CLEC4A: variants seen among roughly 807,000 people sequenced by gnomAD.
The protein encoded by CLEC4A is C-type (calcium dependent, carbohydrate-recognition domain) lectin, superfamily member 6.
A neutral mutation model predicts 32.7 loss-of-function variants in CLEC4A; 27 were observed. The ratio of observed to expected loss-of-function variants is 0.83; its 90% CI spans 0.61 to 1.14. CLEC4A has a LOEUF of 1.14. Ranked by LOEUF, CLEC4A falls within the 50% of genes most tolerant of loss-of-function variation. CLEC4A has a pLI of 0.00. For missense variants in CLEC4A, 253 were observed against 274.6 expected, an observed-to-expected ratio of 0.92 and a Z score of 0.55; for synonymous variants, 89 against 93.7, an observed-to-expected ratio of 0.95 and a Z score of 0.29.
intron 3 of CLEC4A, chr12:8,134,271 T>G (rs1260443545): frequency 6.2e-7 from 1 of 1,612,598 alleles, no homozygotes; most frequent in East Asian, 2.2e-5. Context: ...CACATGTTCT[T>G]GAAGCTAAGC....
At chr12:8,117,594 G>A in the CLEC4A span, among the ~76,000 whole-genome samples, 6 of 152,116 alleles carry the variant, frequency 3.9e-5, no homozygotes, top group African/African-American at 1.4e-4. Context: ...AGGTGACAAT[G>A]TGTTTCAATT....
chr12:8,111,410 C>T, the CLEC4A span, among the ~76,000 whole-genome samples: 1 of 146,902 alleles, frequency 6.8e-6, no homozygotes, highest in Non-Finnish European at 1.5e-5. Flanking sequence ...GAACTCCTGA[C>T]CTCAGATGGT....
chr12:8,123,711 C>T lies in CLEC4A; in HGVS notation c.-168C>T, dbSNP rs1482955603. ...TTAGTTTTTATTGTGGTTCTTAGTTCTCATGAGACCCCTCTTGAGGATATG... is the reference window on the plus strand; with the variant it reads ...TTAGTTTTTATTGTGGTTCTTAGTTTTCATGAGACCCCTCTTGAGGATATG... On this transcript the variant is annotated 5_prime_UTR_variant, in exon 1 of 6. Transcript: ENST00000229332. 1.5e-5 allele frequency: 9 copies of T among 583,950 alleles called. No individual in the cohort carries two copies. Among genetic ancestry groups the T allele is most frequent in the East Asian group, 1.4e-4 (5 of 34,982 alleles). The allele number at this position is 583,950 out of a possible 1,614,324, so 36.2% of individuals were successfully genotyped here.
At chr12:8,121,998 C>T (rs1947835177), upstream of CLEC4A, among the ~76,000 whole-genome samples, 1 of 151,870 alleles carries the variant, frequency 6.6e-6, no homozygotes, top group Admixed American at 6.6e-5. Flanking sequence ...AGCATCCTTG[C>T]AGAGGGTAGA....
At chr12:8,135,045 A>ATTTTTTTTTTTTT (rs1565406500) in intron 3 of CLEC4A, among the ~76,000 whole-genome samples, 2 of 4,966 alleles carry the variant, frequency 4.0e-4, no homozygotes, top group Non-Finnish European at 4.8e-4. Flanking sequence ...CAATTTTATT[A>ATTTTTTTTTTTTT]TCTTTTTTTT....
chr12:8,120,095 A>G (rs1431173977), upstream of CLEC4A, among the ~76,000 whole-genome samples: 1 of 152,196 alleles, frequency 6.6e-6, no homozygotes, highest in African/African-American at 2.4e-5. Context: ...TAGAACTTTA[A>G]TGTGTGATAA....
At chr12:8,109,255 A>G in the CLEC4A span, among the ~76,000 whole-genome samples, 2 of 152,266 alleles carry the variant, frequency 1.3e-5, no homozygotes, top group East Asian at 3.9e-4. Context: ...ATGAAGTACC[A>G]AATGATCCCT....
At chr12:8,137,936 C>T (rs771812550) in intron 5 of CLEC4A, among the ~76,000 whole-genome samples, 3 of 152,080 alleles carry the variant, frequency 2.0e-5, no homozygotes, top group Non-Finnish European at 4.4e-5. Context: ...AGGTAGAGAA[C>T]ATTGAGTGAC....
At chr12:8,135,043 T>C (rs1207824052) in intron 3 of CLEC4A, among the ~76,000 whole-genome samples, 2 of 80,572 alleles carry the variant, frequency 2.5e-5, no homozygotes, top group Non-Finnish European at 4.9e-5. Context: ...AACAATTTTA[T>C]TATCTTTTTT....
chr12:8,119,921 T>C (rs114747421), upstream of CLEC4A, among the ~76,000 whole-genome samples: 928 of 152,306 alleles, frequency 6.1e-3, 5 homozygotes, highest in African/African-American at 0.021. Context: ...TATGATTTAT[T>C]AGAATGACTC....
chr12:8,135,592 C>A lies in CLEC4A; in HGVS notation c.306C>A (p.Ala102=). 1.2e-6 allele frequency: 2 copies of A among 1,614,042 alleles called. No individual in the cohort carries two copies. Among genetic ancestry groups the A allele is most frequent in the Non-Finnish European group, 1.7e-6 (2 of 1,179,882 alleles). The change falls in exon 4 of 6, where the codon GCC becomes GCA. Residue 102 remains alanine, a synonymous_variant. Coordinates refer to ENST00000229332, the MANE Select transcript of CLEC4A (RefSeq NM_016184.4). ...VKKNMPVEET[A]WSCCPKNWKS... is the part of the protein sequence containing the mutation. Reference sequence around the variant, plus strand: ...CCCCTCTTCCCAATACAGAGACAGCCTGGAGCTGTTGCCCAAAGAATTGGA... The same window carrying A: ...CCCCTCTTCCCAATACAGAGACAGCATGGAGCTGTTGCCCAAAGAATTGGA...
At chr12:8,109,253 C>T in the CLEC4A span, among the ~76,000 whole-genome samples, 2 of 152,020 alleles carry the variant, frequency 1.3e-5, no homozygotes, top group Admixed American at 6.6e-5. Context: ...AAATGAAGTA[C>T]CAAATGATCC....
rs1591611840 is a variant in CLEC4A at position 8,134,979 on chromosome 12, G to GTTTTTTTTTTTTTTTTTTTTTT, written c.299-600_299-599insTTTTTTTTTTTTTTTTTTTTTT. ...TGTATCTTCTTGTTGAAGCGTTTTT[G>GTTTTTTTTTTTTTTTTTTTTTT]TTTTTTGTTTTTTTTTAATCATGGC... On this transcript the variant is annotated intron_variant, in intron 3 of 5. Coordinates refer to ENST00000229332, the MANE Select transcript of CLEC4A (RefSeq NM_016184.4). 93 of 165,956 alleles carry GTTTTTTTTTTTTTTTTTTTTTT rather than the reference G, an allele frequency of 5.6e-4. 9 individuals carry two copies. Among genetic ancestry groups the GTTTTTTTTTTTTTTTTTTTTTT allele is most frequent in the Admixed American group, 2.5e-3 (10 of 3,952 alleles). The allele number at this position is 165,956 out of a possible 1,614,324, so 10.3% of individuals were successfully genotyped here.
the CLEC4A span, among the ~76,000 whole-genome samples, chr12:8,104,295 A>G: frequency 2.6e-5 from 4 of 152,212 alleles, no homozygotes; most frequent in Non-Finnish European, 4.4e-5. Flanking sequence ...ACCTCAGAAT[A>G]AATTAAATTC....
chr12:8,125,422 C>T, intron 1 of CLEC4A, 139 bp from the exon 2 acceptor site: 1 of 575,880 alleles, frequency 1.7e-6, no homozygotes, highest in East Asian at 2.9e-5. Flanking sequence ...CCTTTCTATT[C>T]CTATTCTCAT....
At chr12:8,134,808 G>C (rs950515259) in intron 3 of CLEC4A, 18 of 1,551,630 alleles carry the variant, frequency 1.2e-5, no homozygotes, top group Non-Finnish European at 1.6e-5. Context: ...TCCACCGCCT[G>C]GAGGGGGTGA....
chr12:8,126,120 C>T (rs1052215925), intron 2 of CLEC4A, among the ~76,000 whole-genome samples: 3 of 152,208 alleles, frequency 2.0e-5, no homozygotes, highest in African/African-American at 4.8e-5. Flanking sequence ...CTGGCTTTTA[C>T]TCTGATTATT....
chr12:8,121,380 T>G (rs1307641740), upstream of CLEC4A: 1 of 152,290 alleles, frequency 6.6e-6, no homozygotes, highest in Non-Finnish European at 1.5e-5. Flanking sequence ...TCCCTTATCC[T>G]TCCCTTATGC....
At chr12:8,120,079 C>T (rs899847591), upstream of CLEC4A, among the ~76,000 whole-genome samples, 17 of 152,156 alleles carry the variant, frequency 1.1e-4, no homozygotes, top group African/African-American at 4.1e-4. Context: ...TGATATATCA[C>T]TTTCTTAGAA....
Sources: gnomAD v4.1 joint callset for allele counts (sites outside exome capture counted in the v4.1 genomes callset) on GRCh38, gnomAD v4.1.1 for gene constraint, MANE v1.5 for transcripts, NCBI Gene and HGNC (gene_info 2026-07-23, HGNC 2026-07-21) for gene names.